The following AUH variants were observed in gnomAD, a reference collection of about 807,000 sequenced individuals.
The protein encoded by AUH is AU RNA binding methylglutaconyl-CoA hydratase.
In AUH, 29 loss-of-function variants were observed where a neutral mutation model predicts 42.3. The observed-to-expected ratio is 0.69, with a 90% confidence interval of 0.51 to 0.93. AUH has a LOEUF of 0.93. Ranked by LOEUF, AUH falls within the 40% of genes least tolerant of loss-of-function variation. AUH has a pLI of 0.00. For synonymous variants in AUH, 174 were observed against 166.4 expected, an observed-to-expected ratio of 1.05 and a Z score of -0.35; for missense variants, 452 against 438.1, an observed-to-expected ratio of 1.03 and a Z score of -0.28.
intron 6 of AUH, among the ~76,000 whole-genome samples, chr9:91,295,292 A>T (rs745591621): frequency 2.0e-5 from 3 of 152,228 alleles, no homozygotes; most frequent in African/African-American, 7.2e-5. Context: ...AGACTAATAC[A>T]TGGACAAATA....
At chr9:91,225,028 T>A (rs1373386730) in intron 6 of AUH, among the ~76,000 whole-genome samples, 2 of 152,224 alleles carry the variant, frequency 1.3e-5, no homozygotes, top group African/African-American at 2.4e-5. Context: ...ATCTCCGGAA[T>A]AGTTACCCCA....
intron 6 of AUH, among the ~76,000 whole-genome samples, chr9:91,245,742 C>T (rs1277738785): frequency 1.3e-5 from 2 of 152,156 alleles, no homozygotes; most frequent in African/African-American, 2.4e-5. Flanking sequence ...TCTTCCTCCA[C>T]ACAGATGAGA....
rs554889666 is a variant in AUH at position 91,305,725 on chromosome 9, C to A, written c.506-7649G>T. ...CAAAGATTACTTAAACTTCTATCAG[C>A]CTTATGCTGTAAGAACTCATGACTT... On this transcript the variant is annotated intron_variant, in intron 4 of 9. Coordinates refer to ENST00000375731, the MANE Select transcript of AUH (RefSeq NM_001698.3). Among the ~76,000 whole-genome samples, 4 of 152,298 alleles carry A rather than the reference C, an allele frequency of 2.6e-5. 1 individual carries two copies. The highest frequency in any genetic ancestry group is 9.6e-5 in the African/African-American group (4 of 41,546).
chr9:91,310,191 C>T (rs904724413), intron 4 of AUH, among the ~76,000 whole-genome samples: 3 of 152,196 alleles, frequency 2.0e-5, no homozygotes, highest in African/African-American at 4.8e-5. Flanking sequence ...AACTGCTCCA[C>T]TCATGTTCAT....
Position 91,355,426 on chromosome 9 carries a change from A to G in AUH, c.418+457T>C, listed in dbSNP as rs375640149. On this transcript the variant is annotated intron_variant, in intron 3 of 9. Transcript: ENST00000375731. ...ACAAAAATTAGCTAGGCGAGGTGGC[A>G]GGCGCCTGTAATCCCAGCTACTCGG... is the stretch of plus-strand genomic sequence containing the variant. Among the ~76,000 whole-genome samples the G allele has an allele frequency of 3.9e-4, 60 of 152,140 alleles. No individual in the cohort carries two copies. The South Asian group carries it at 0.012, about 31-fold the overall frequency.
At chr9:91,224,356 T>C (rs911329538) in intron 6 of AUH, among the ~76,000 whole-genome samples, 2 of 152,230 alleles carry the variant, frequency 1.3e-5, no homozygotes, top group Non-Finnish European at 2.9e-5. Flanking sequence ...ATTCTGGATA[T>C]TAATCCTTTA....
At chr9:91,252,809 G>A (rs1564031870) in intron 6 of AUH, among the ~76,000 whole-genome samples, 1 of 152,184 alleles carries the variant, frequency 6.6e-6, no homozygotes, top group Non-Finnish European at 1.5e-5. Flanking sequence ...TTGACCTTTT[G>A]ACATGGAGGT....
intron 6 of AUH, among the ~76,000 whole-genome samples, chr9:91,265,512 T>C (rs552144817): frequency 1.8e-4 from 28 of 152,296 alleles, no homozygotes; most frequent in African/African-American, 6.5e-4. Flanking sequence ...TTCTTTAAGA[T>C]AGTAACACCA....
At position 91,245,375 on chromosome 9, in the gene AUH, C is replaced by T. The variant is rs546705705; in HGVS notation, c.656-24383G>A. 7.2e-5 allele frequency among the ~76,000 whole-genome samples: 11 copies of T among 152,278 alleles called. No homozygotes were observed. The South Asian group carries it at 1.0e-3, about 14-fold the overall frequency. On this transcript the variant is annotated intron_variant, in intron 6 of 9. Transcript: ENST00000375731. ...CCAATGAAAAGTTTTAAAATCAGAA[C>T]GCTTTTTGAGAAACAAGGCCCCACT...
intron 6 of AUH, among the ~76,000 whole-genome samples, chr9:91,278,345 C>T (rs1413262989): frequency 6.6e-6 from 1 of 152,168 alleles, no homozygotes; most frequent in Non-Finnish European, 1.5e-5. Flanking sequence ...ATTTTACATA[C>T]GTAGTAAAGA....
intron 9 of AUH, 23 bp from the exon 10 acceptor site, chr9:91,214,448 T>C (rs924538270): frequency 1.3e-6 from 2 of 1,562,276 alleles, no homozygotes; most frequent in African/African-American, 2.7e-5. Flanking sequence ...AAATATTAAA[T>C]ATGTCAAAAA....
At chr9:91,332,753 T>C (rs1830422813) in intron 3 of AUH, among the ~76,000 whole-genome samples, 1 of 152,052 alleles carries the variant, frequency 6.6e-6, no homozygotes, top group Middle Eastern at 3.2e-3. Flanking sequence ...CTAAGAGTCA[T>C]GAATATTATA....
intron 6 of AUH, among the ~76,000 whole-genome samples, chr9:91,264,736 A>G (rs1829881772): frequency 6.6e-6 from 1 of 152,204 alleles, no homozygotes; most frequent in African/African-American, 2.4e-5. Flanking sequence ...CAGCTTGGAC[A>G]AAATAGTGGG....
At chr9:91,294,180 T>C (rs974128110) in intron 6 of AUH, among the ~76,000 whole-genome samples, 1 of 152,256 alleles carries the variant, frequency 6.6e-6, no homozygotes, top group African/African-American at 2.4e-5. Flanking sequence ...GAGATGAATG[T>C]TGTTTTCATG....
intron 4 of AUH, among the ~76,000 whole-genome samples, chr9:91,298,801 G>A (rs895390358): frequency 5.3e-4 from 80 of 152,262 alleles, no homozygotes; most frequent in African/African-American, 1.8e-3. Context: ...TTCATAACCA[G>A]TTCAAAAAGT....
chr9:91,327,512 C>T (rs899129204), intron 3 of AUH, among the ~76,000 whole-genome samples: 2 of 152,180 alleles, frequency 1.3e-5, no homozygotes, highest in Non-Finnish European at 1.5e-5. Context: ...TCTCAGGTGG[C>T]TACCCACTTT....
intron 3 of AUH, 133 bp downstream of exon 3, chr9:91,355,750 A>G (rs1328475718): frequency 2.1e-5 from 16 of 752,114 alleles, no homozygotes; most frequent in Non-Finnish European, 4.5e-6. Context: ...TTTCTTGTGA[A>G]TCAGTAAAAC....
chr9:91,227,982 C>A (rs368198196), intron 6 of AUH, among the ~76,000 whole-genome samples: 3 of 152,022 alleles, frequency 2.0e-5, no homozygotes, highest in East Asian at 1.9e-4. Context: ...TTTTTGCATC[C>A]ATGTTCATCA....
At chr9:91,344,907 TGATA>T (rs1257046285) in intron 3 of AUH, among the ~76,000 whole-genome samples, 1 of 151,998 alleles carries the variant, frequency 6.6e-6, no homozygotes, top group African/African-American at 2.4e-5. Context: ...TGTTAATAAT[TGATA>T]ATCAATCAAT....
Sources: allele counts gnomAD v4.1 joint callset (sites outside exome capture counted in the v4.1 genomes callset), GRCh38; gene constraint gnomAD v4.1.1; transcripts MANE v1.5; gene names NCBI Gene and HGNC (gene_info 2026-07-23, HGNC 2026-07-21).